Variants in ARHGAP10 observed in about 807,000 individuals in gnomAD.
The protein encoded by ARHGAP10 is rho GTPase-activating protein 10.
Under a neutral mutation model 108.6 loss-of-function variants are expected in ARHGAP10, and 87 were observed. That is an observed-to-expected ratio of 0.80 (90% CI 0.67 to 0.96). ARHGAP10 has a LOEUF of 0.96. ARHGAP10 is among the 40% of genes least tolerant of loss of function. The probability of loss-of-function intolerance (pLI) is 0.00; values close to 1 mark genes in which losing one functional copy is unlikely to be tolerated. For synonymous variants in ARHGAP10, 347 were observed against 341.1 expected (o/e 1.02, Z -0.19); for missense variants, 939 against 954.5 (o/e 0.98, Z 0.21).
chr4:147,920,237 T>C (rs1182487340), intron 13 of ARHGAP10, among the ~76,000 whole-genome samples: 1 of 151,090 alleles, frequency 6.6e-6, no homozygotes, highest in Non-Finnish European at 1.5e-5. Flanking sequence ...GCCAAGATAG[T>C]GAAACCCTGG....
intron 18 of ARHGAP10, among the ~76,000 whole-genome samples, chr4:147,996,437 T>C (rs894545256): frequency 1.3e-5 from 2 of 152,186 alleles, no homozygotes; most frequent in South Asian, 2.1e-4. Flanking sequence ...TCATACTCTG[T>C]CCATCTTGTG....
intron 15 of ARHGAP10, among the ~76,000 whole-genome samples, chr4:147,948,586 T>C (rs929141757): frequency 3.3e-5 from 5 of 152,222 alleles, no homozygotes; most frequent in African/African-American, 9.7e-5. Context: ...CATGTTTCTT[T>C]AGCCATGCTG....
In ARHGAP10 at chr4:147,997,344, A is replaced by G. The variant is rs146674603; in HGVS notation, c.1717-25919A>G. On this transcript the variant is annotated intron_variant, in intron 18 of 22. Transcript: ENST00000336498. Reference sequence around the variant, plus strand: ...AATGAACTTACTAAAATTAATCTCTATAGAACTATTCAGTAAAATGGGAAT... The same window carrying G: ...AATGAACTTACTAAAATTAATCTCTGTAGAACTATTCAGTAAAATGGGAAT... Among the ~76,000 whole-genome samples the G allele has an allele frequency of 2.5e-3, 383 of 152,362 alleles. 13 individuals are homozygous for G. In the East Asian group the frequency reaches 0.067, roughly 27 times the overall value.
chr4:148,019,763 TAA>T (rs879896839), intron 18 of ARHGAP10, among the ~76,000 whole-genome samples: 4 of 132,700 alleles, frequency 3.0e-5, no homozygotes, highest in Admixed American at 7.6e-5. Context: ...AGACTCCACC[TAA>T]AAAAAAAAAA....
chr4:147,974,555 A>G (rs906803397), intron 18 of ARHGAP10, among the ~76,000 whole-genome samples: 9 of 152,346 alleles, frequency 5.9e-5, no homozygotes, highest in Non-Finnish European at 1.2e-4. Context: ...AATTCAGATT[A>G]CATTGATCTT....
At chr4:147,754,460 A>C (rs1442999491) in intron 1 of ARHGAP10, among the ~76,000 whole-genome samples, 3 of 152,222 alleles carry the variant, frequency 2.0e-5, no homozygotes, top group African/African-American at 7.2e-5. Flanking sequence ...TCTGGGGCAC[A>C]GTTGGGATAG....
At chr4:147,839,106 A>ATCTG (rs1218784839) in intron 3 of ARHGAP10, among the ~76,000 whole-genome samples, 5 of 136,574 alleles carry the variant, frequency 3.7e-5, no homozygotes, top group African/African-American at 1.4e-4. Context: ...CTATCTATCT[A>ATCTG]TCTATCTATC....
chr4:147,761,129 G>T (rs1419397158), intron 1 of ARHGAP10, among the ~76,000 whole-genome samples: 2 of 150,814 alleles, frequency 1.3e-5, no homozygotes, highest in Non-Finnish European at 2.9e-5. Flanking sequence ...CAATCCTCCT[G>T]CCTCAGCCTC....
chr4:147,792,597 C>G (rs916254567), intron 1 of ARHGAP10, among the ~76,000 whole-genome samples: 5 of 152,176 alleles, frequency 3.3e-5, no homozygotes, highest in African/African-American at 1.2e-4. Context: ...TTTATATATG[C>G]TACCTGAGCT....
chr4:147,780,331 C>T (rs1268312947), intron 1 of ARHGAP10, among the ~76,000 whole-genome samples: 2 of 152,122 alleles, frequency 1.3e-5, no homozygotes, highest in African/African-American at 4.8e-5. Context: ...CTCTCCTCTC[C>T]TACCCAGTAT....
At chr4:147,954,327 T>G (rs1023167069) in intron 15 of ARHGAP10, among the ~76,000 whole-genome samples, 1 of 152,016 alleles carries the variant, frequency 6.6e-6, no homozygotes, top group African/African-American at 2.4e-5. Context: ...ATTTGCCCAT[T>G]TCTCCTTGTA....
At chr4:147,846,384 T>C (rs1174166530) in intron 3 of ARHGAP10, among the ~76,000 whole-genome samples, 3 of 152,230 alleles carry the variant, frequency 2.0e-5, no homozygotes, top group African/African-American at 7.2e-5. Flanking sequence ...TTTGGATATT[T>C]CTGGTCTCCT....
At chr4:147,738,799 T>C (rs1334262369) in intron 1 of ARHGAP10, among the ~76,000 whole-genome samples, 1 of 152,114 alleles carries the variant, frequency 6.6e-6, no homozygotes, top group Non-Finnish European at 1.5e-5. Flanking sequence ...CAAAGCACCA[T>C]TACCAGTGAC....
chr4:147,847,364 T>A, intron 4 of ARHGAP10, 142 bp downstream of exon 4: 6 of 762,488 alleles, frequency 7.9e-6, no homozygotes, highest in South Asian at 1.9e-5. Context: ...TTTCCCCCTT[T>A]GGGGGATATG....
chr4:148,028,278 G>A (rs1026452135), intron 19 of ARHGAP10, among the ~76,000 whole-genome samples: 4 of 152,184 alleles, frequency 2.6e-5, no homozygotes, highest in African/African-American at 9.7e-5. Context: ...GAAGGGGACA[G>A]TGTTGACAGT....
rs142836668 is a variant in ARHGAP10 at position 148,021,780 on chromosome 4, G to C, written c.1717-1483G>C. On this transcript the variant is annotated intron_variant, in intron 18 of 22. Transcript: ENST00000336498. ...CAGATAAGTAGTTTGCTATTGGCCA[G>C]AGTGGTCTATTGGAACACAGATTTT... Among the ~76,000 whole-genome samples, 364 of 152,308 alleles carry C rather than the reference G, an allele frequency of 2.4e-3. 4 individuals are homozygous for C. Among genetic ancestry groups the C allele is most frequent in the African/African-American group, 7.7e-3 (318 of 41,566 alleles).
intron 18 of ARHGAP10, among the ~76,000 whole-genome samples, chr4:147,974,607 G>T (rs900234347): frequency 1.3e-5 from 2 of 152,194 alleles, no homozygotes; most frequent in African/African-American, 4.8e-5. Context: ...TATGTAAAAT[G>T]TGCTTTGGTT....
rs866467707 is a variant in ARHGAP10 at position 148,023,500 on chromosome 4, C to T, written c.1867+87C>T. 37 of 1,335,870 alleles carry T rather than the reference C, an allele frequency of 2.8e-5. 2 individuals are homozygous for T. The Middle Eastern group carries it at 6.4e-3, about 232-fold the overall frequency. 82.8% of individuals were successfully genotyped at this position (1,335,870 alleles called of 1,614,324 possible). A position where few individuals can be genotyped will look rare whatever the true frequency, so the allele number is the denominator to read the frequency against. ...GTCAGGGCAGGCCACAGTTTTCTGTCATCTGTGTTTTAATTTCTTCTTCCC... is the reference window on the plus strand; with the variant it reads ...GTCAGGGCAGGCCACAGTTTTCTGTTATCTGTGTTTTAATTTCTTCTTCCC... On this transcript the variant is annotated intron_variant, in intron 19 of 22. Transcript: ENST00000336498.
intron 11 of ARHGAP10, 43 bp from the exon 12 acceptor site, chr4:147,909,689 T>G: frequency 6.5e-7 from 1 of 1,539,486 alleles, no homozygotes; most frequent in Non-Finnish European, 9.0e-7. Context: ...TAATTTTTGC[T>G]GATTTGATTA....
Sources: gnomAD v4.1 joint callset for allele counts (sites outside exome capture counted in the v4.1 genomes callset) on GRCh38, gnomAD v4.1.1 for gene constraint, MANE v1.5 for transcripts, NCBI Gene and HGNC (gene_info 2026-07-23, HGNC 2026-07-21) for gene names.